The following EIF3B variants were observed in gnomAD, a reference collection of about 807,000 sequenced individuals.
EIF3B encodes eukaryotic translation initiation factor 3 subunit B.
EIF3B carries 10 observed loss-of-function variants against 104.6 expected under a neutral mutation model. The ratio of observed to expected loss-of-function variants is 0.10; its 90% CI spans 0.06 to 0.16. The LOEUF is 0.16. Among genes scored for constraint, EIF3B ranks in the 10% least tolerant of loss-of-function variants. The pLI is 1.00. For synonymous variants in EIF3B, 542 were observed against 417.2 expected, an observed-to-expected ratio of 1.30 and a Z score of -3.65; for missense variants, 1,014 against 1,087.9, an observed-to-expected ratio of 0.93 and a Z score of 0.96.
rs112580498 is a variant in EIF3B, at chr7:2,369,379, C to T, written c.1404-93C>T. 1.0e-3 allele frequency: 1,394 copies of T among 1,344,684 alleles called. 11 individuals carry two copies. In the African/African-American group the frequency reaches 0.017, roughly 16 times the overall value. The allele number at this position is 1,344,684 out of a possible 1,614,324, so 83.3% of individuals were successfully genotyped here. A position where few individuals can be genotyped will look rare whatever the true frequency, so the allele number is the denominator to read the frequency against. On this transcript the variant is annotated intron_variant, in intron 9 of 18. Coordinates refer to ENST00000360876, the MANE Select transcript of EIF3B (RefSeq NM_001037283.2). ...CGTCAGCTGTGACAGCATTGAGCTT[C>T]TATATAGCAAATGAGTTGTTCTATT...
At chr7:2,354,781 C>A, upstream of EIF3B, 1 of 816,990 alleles carries the variant, frequency 1.2e-6, no homozygotes, top group Non-Finnish European at 1.5e-6. Flanking sequence ...GGCGTGGGTG[C>A]GCCCCCCGCC....
Position 2,363,000 on chromosome 7 carries a change from C to G in EIF3B, c.813-70C>G, listed in dbSNP as rs1779821574. ...CAGGCAGGAGCACAGCAGGGCCATG[C>G]TGGAGCCCCCACGAGTTGCTCTTTC... On this transcript the variant is annotated intron_variant, in intron 3 of 18. Transcript: ENST00000360876. 5 of 1,570,620 alleles carry G rather than the reference C, an allele frequency of 3.2e-6. 1 individual carries two copies. In the South Asian group the frequency reaches 4.4e-5, roughly 14 times the overall value.
chr7:2,367,215 C>T, intron 9 of EIF3B, 170 bp downstream of exon 9: 2 of 604,672 alleles, frequency 3.3e-6, no homozygotes, highest in Non-Finnish European at 2.8e-6. Flanking sequence ...TGCAGACTGT[C>T]TGGTGACGGC....
intron 10 of EIF3B, among the ~76,000 whole-genome samples, chr7:2,370,801 C>T (rs1283134480): frequency 6.6e-6 from 1 of 151,744 alleles, no homozygotes; most frequent in Middle Eastern, 3.4e-3. Flanking sequence ...AAAGGCCGGG[C>T]ACGGTGGCTC....
rs993755036 is a variant in EIF3B at position 2,360,741 on chromosome 7, C to T, written c.531C>T (p.Pro177=). 6.3e-7 allele frequency: 1 copy of T among 1,596,116 alleles called. No homozygotes were observed. Among genetic ancestry groups the T allele is most frequent in the Non-Finnish European group, 8.6e-7 (1 of 1,165,488 alleles). Residue 177 remains proline (P), a synonymous_variant, in exon 2 of 19, where the codon CCC becomes CCT. Transcript: ENST00000360876. ...ELLGDVLKDR[P]QEADGIDSVI... ...TGGGAGATGTACTCAAAGATCGGCCCCAGGAAGCAGATGGAATCGATTCGG... is the reference window on the plus strand; with the variant it reads ...TGGGAGATGTACTCAAAGATCGGCCTCAGGAAGCAGATGGAATCGATTCGG...
intron 13 of EIF3B, chr7:2,374,917 G>A (rs556526937): frequency 1.5e-5 from 5 of 323,882 alleles, no homozygotes; most frequent in South Asian, 7.7e-5. Flanking sequence ...ACCTCCCCCC[G>A]GGGGTCAGTC....
At chr7:2,364,331 C>CTTTT (rs1779892254) in intron 5 of EIF3B, 41 bp from the exon 6 acceptor site, 1 of 1,527,134 alleles carries the variant, frequency 6.5e-7, no homozygotes, top group Admixed American at 2.3e-5. Context: ...TTTGTGTTTG[C>CTTTT]CATTTTGTTG....
chr7:2,369,752 A>AG lies in EIF3B; in HGVS notation c.1614+73dup. On this transcript the variant is annotated intron_variant, in intron 10 of 18. Coordinates refer to ENST00000360876, the MANE Select transcript of EIF3B (RefSeq NM_001037283.2). ...CTGAAGTGGCCACCGTATTGTTTGG[A>AG]GGGTGTTAATGGATTTTTTTTTTTT... The AG allele has an allele frequency of 2.8e-5, 18 of 651,796 alleles. 2 individuals are homozygous for AG. In the South Asian group the frequency reaches 3.2e-4, roughly 12 times the overall value. 40.4% of individuals were successfully genotyped at this position (651,796 alleles called of 1,614,324 possible). A position where few individuals can be genotyped will look rare whatever the true frequency, so the allele number is the denominator to read the frequency against.
chr7:2,366,829 C>G (rs375920391), intron 8 of EIF3B, 170 bp from the exon 9 acceptor site: 14 of 829,704 alleles, frequency 1.7e-5, no homozygotes, highest in East Asian at 7.4e-5. Flanking sequence ...GGCTTCAGAA[C>G]TGCAGTTCTG....
At chr7:2,368,770 C>T (rs766416503) in intron 9 of EIF3B, among the ~76,000 whole-genome samples, 2 of 152,210 alleles carry the variant, frequency 1.3e-5, no homozygotes, top group African/African-American at 2.4e-5. Context: ...AGAATGGGCA[C>T]GTTTTTATTT....
chr7:2,375,662 GT>G, intron 14 of EIF3B, 135 bp downstream of exon 14: 1 of 1,312,880 alleles, frequency 7.6e-7, no homozygotes, highest in Non-Finnish European at 1.0e-6. Flanking sequence ...CTTGGCTGGT[GT>G]TAGTGGCAGG....
intron 1 of EIF3B, among the ~76,000 whole-genome samples, chr7:2,358,722 T>G (rs2115279776): frequency 6.6e-6 from 1 of 151,838 alleles, no homozygotes; most frequent in African/African-American, 2.4e-5. Context: ...TAGGGACAGG[T>G]TTCACCATGT....
At chr7:2,354,547 C>T (rs1050888660), upstream of EIF3B, among the ~76,000 whole-genome samples, 1 of 152,182 alleles carries the variant, frequency 6.6e-6, no homozygotes, top group African/African-American at 2.4e-5. Context: ...TCAGTCCCGC[C>T]CCGCAGCGTC....
intron 17 of EIF3B, 67 bp downstream of exon 17, chr7:2,379,309 G>A (rs1050481481): frequency 5.5e-5 from 85 of 1,554,252 alleles, no homozygotes; most frequent in African/African-American, 2.2e-4. Context: ...TGGTGCCCGC[G>A]GACTCCTGCG....
chr7:2,355,255 G>T lies in EIF3B; in HGVS notation c.334G>T (p.Ala112Ser). 1.3e-6 allele frequency: 2 copies of T among 1,530,180 alleles called. No individual in the cohort carries two copies. The highest frequency in any genetic ancestry group is 1.7e-6 in the Non-Finnish European group (2 of 1,145,102). The allele number at this position is 1,530,180 out of a possible 1,614,324, so 94.8% of individuals were successfully genotyped here. The change falls in exon 1 of 19, where the codon GCT (alanine) becomes TCT (serine). Residue 112 changes from alanine (A) to serine (S), a missense_variant. This residue lies in a region of EIF3B where 488 missense variants were observed against 404.3 expected (regional missense o/e 1.21). Coordinates refer to ENST00000360876, the MANE Select transcript of EIF3B (RefSeq NM_001037283.2). ...PAQGEAPGEQ[A>S]RDERSDSRAQ... ...ACAGGGCGAGGCCCCAGGAGAGCAG[G>T]CTCGGGACGAGCGCTCCGACAGCCG...
Position 2,363,067 on chromosome 7 carries a change from C to T in EIF3B, c.813-3C>T, listed in dbSNP as rs958615493. 1 of 1,614,058 alleles carries T rather than the reference C, an allele frequency of 6.2e-7. No individual in the cohort carries two copies. Among genetic ancestry groups the T allele is most frequent in the Non-Finnish European group, 8.5e-7 (1 of 1,180,014 alleles). ...GGGCTCAGCAGTCTCCTTTCTTCTC[C>T]AGGTATATGACGATCAGTGACGAGT... On this transcript the variant is annotated splice_region_variant and splice_polypyrimidine_tract_variant and intron_variant, in intron 3 of 18. Coordinates refer to ENST00000360876, the MANE Select transcript of EIF3B (RefSeq NM_001037283.2).
At chr7:2,359,738 G>C (rs1296143605) in intron 1 of EIF3B, among the ~76,000 whole-genome samples, 1 of 152,216 alleles carries the variant, frequency 6.6e-6, no homozygotes, top group Non-Finnish European at 1.5e-5. Flanking sequence ...GCCAGTCTTT[G>C]GGGCTGAGCC....
In EIF3B at chr7:2,369,854, G is replaced by A. The variant is rs143206973; in HGVS notation, c.1614+172G>A. Reference sequence around the variant, plus strand: ...TGCAGGAGTGCGATTTCGGCTCACTGCAGTCTCTGCCTCCTGGTTTCAAAT... The same window carrying A: ...TGCAGGAGTGCGATTTCGGCTCACTACAGTCTCTGCCTCCTGGTTTCAAAT... On this transcript the variant is annotated intron_variant, in intron 10 of 18. Coordinates refer to ENST00000360876, the MANE Select transcript of EIF3B (RefSeq NM_001037283.2). Among the ~76,000 whole-genome samples, 592 of 131,640 alleles carry A rather than the reference G, an allele frequency of 4.5e-3. 7 individuals are homozygous for A. Among genetic ancestry groups the A allele is most frequent in the African/African-American group, 0.016 (561 of 34,538 alleles). 86.4% of individuals were successfully genotyped at this position (131,640 alleles called of 152,430 possible).
intron 15 of EIF3B, chr7:2,378,449 AAGC>A (rs1216469081): frequency 5.2e-5 from 10 of 193,842 alleles, no homozygotes; most frequent in Admixed American, 2.0e-4. Context: ...CGCTCCTGGG[AAGC>A]TGTGTTGTGT....
Sources: allele counts gnomAD v4.1 joint callset (sites outside exome capture counted in the v4.1 genomes callset), GRCh38; gene constraint gnomAD v4.1.1; regional missense constraint gnomAD v4.1.1; transcripts MANE v1.5; gene names NCBI Gene and HGNC (gene_info 2026-07-23, HGNC 2026-07-21).